Variants in SLC25A13 observed in about 807,000 individuals in gnomAD.
SLC25A13 encodes solute carrier family 25 member 13, also known as electrogenic aspartate/glutamate antiporter SLC25A13, mitochondrial.
SLC25A13 carries 70 observed loss-of-function variants against 85.5 expected under a neutral mutation model. That is an observed-to-expected ratio of 0.82 (90% CI 0.68 to 1.00). SLC25A13 has a LOEUF of 1.00. Ranked by LOEUF, SLC25A13 falls within the 50% of genes least tolerant of loss-of-function variation. The pLI, the probability that SLC25A13 is intolerant of heterozygous loss-of-function variation, is 0.00. For missense variants in SLC25A13, 765 were observed against 819.8 expected (o/e 0.93, Z 0.82); for synonymous variants, 259 against 288.7 (o/e 0.90, Z 1.04).
rs62467759 is a variant in SLC25A13, at chr7:96,209,019, A to C, written c.329-42T>G. On this transcript the variant is annotated intron_variant, in intron 4 of 17. Transcript: ENST00000265631. ...CAGGTTGATTAAAACAAAGTAAATG[A>C]AGTTCTTTCTGATAAAATCTGTTAT... 92,043 of 1,602,804 alleles carry C rather than the reference A, an allele frequency of 0.057. 2,999 individuals are homozygous for C. The highest frequency in any genetic ancestry group is 0.067 in the Non-Finnish European group (78,681 of 1,171,340).
At chr7:96,308,579 GGA>G (rs1260219743) in intron 1 of SLC25A13, among the ~76,000 whole-genome samples, 1 of 152,144 alleles carries the variant, frequency 6.6e-6, no homozygotes, top group African/African-American at 2.4e-5. Context: ...ATCTTTAAAA[GGA>G]GAGAGAGAGA....
chr7:96,288,249 G>C (rs1798966632), intron 2 of SLC25A13, among the ~76,000 whole-genome samples: 1 of 152,196 alleles, frequency 6.6e-6, no homozygotes, highest in Non-Finnish European at 1.5e-5. Context: ...TGGCCAGCAT[G>C]GGGAAACCCG....
chr7:96,140,885 T>C (rs1792527040), intron 14 of SLC25A13, among the ~76,000 whole-genome samples: 1 of 152,146 alleles, frequency 6.6e-6, no homozygotes, highest in African/African-American at 2.4e-5. Flanking sequence ...TACATACGTG[T>C]TGGCCATTGG....
rs1298323201 is a variant in SLC25A13 at position 96,244,652 on chromosome 7, G to A, written c.213-9735C>T. On this transcript the variant is annotated intron_variant, in intron 3 of 17. Coordinates refer to ENST00000265631, the MANE Select transcript of SLC25A13 (RefSeq NM_014251.3). ...TTTAGGTTACAGGCAGCCATTCTGT[G>A]CCCACCCTGGCTCCAGAAAGGACCT... Among the ~76,000 whole-genome samples the A allele has an allele frequency of 2.0e-5, 3 of 152,084 alleles. No individual in the cohort carries two copies. In the East Asian group the frequency reaches 5.8e-4, roughly 29 times the overall value.
intron 3 of SLC25A13, among the ~76,000 whole-genome samples, chr7:96,245,636 T>C (rs887694178): frequency 2.3e-4 from 35 of 152,218 alleles, no homozygotes; most frequent in South Asian, 2.1e-4. Context: ...TGACAAATAG[T>C]CTGCATTTTA....
At chr7:96,171,170 A>G (rs963198791) in intron 12 of SLC25A13, among the ~76,000 whole-genome samples, 1 of 152,236 alleles carries the variant, frequency 6.6e-6, no homozygotes, top group African/African-American at 2.4e-5. Flanking sequence ...AGATTAAACC[A>G]GTAAAACGTA....
chr7:96,172,915 C>A (rs1018816557), intron 11 of SLC25A13, among the ~76,000 whole-genome samples: 1 of 152,094 alleles, frequency 6.6e-6, no homozygotes, highest in Non-Finnish European at 1.5e-5. Context: ...CCTGCCACCA[C>A]GCCCGGCTAA....
At chr7:96,276,636 A>T (rs919099665) in intron 3 of SLC25A13, among the ~76,000 whole-genome samples, 1 of 152,132 alleles carries the variant, frequency 6.6e-6, no homozygotes, top group Non-Finnish European at 1.5e-5. Context: ...AGAAGGAGGG[A>T]AAAAAGTTCC....
At chr7:96,307,139 T>TA (rs1430056105) in intron 1 of SLC25A13, among the ~76,000 whole-genome samples, 12 of 87,274 alleles carry the variant, frequency 1.4e-4, no homozygotes, top group Admixed American at 2.3e-4. Context: ...GCTTTGTAAT[T>TA]TAAAAAAAAA....
At chr7:96,210,029 T>C (rs1435869923) in intron 4 of SLC25A13, among the ~76,000 whole-genome samples, 1 of 152,198 alleles carries the variant, frequency 6.6e-6, no homozygotes, top group Non-Finnish European at 1.5e-5. Context: ...TTTGGCATAA[T>C]GTGTCTATGG....
chr7:96,214,784 AC>A (rs562023202), intron 4 of SLC25A13, among the ~76,000 whole-genome samples: 152 of 152,224 alleles, frequency 1.0e-3, no homozygotes, highest in African/African-American at 3.6e-3. Context: ...AGCCTCAAAA[AC>A]AATAAAATAC....
chr7:96,213,019 CAACT>C (rs1201229649), intron 4 of SLC25A13, among the ~76,000 whole-genome samples: 2 of 152,116 alleles, frequency 1.3e-5, no homozygotes, highest in South Asian at 2.1e-4. Context: ...ATTCATCTCA[CAACT>C]AATAAAGTCT....
intron 9 of SLC25A13, among the ~76,000 whole-genome samples, chr7:96,185,302 A>T (rs749106081): frequency 3.3e-5 from 5 of 152,230 alleles, no homozygotes; most frequent in Non-Finnish European, 5.9e-5. Flanking sequence ...ATGCACAGTT[A>T]AAAACATCAC....
intron 4 of SLC25A13, among the ~76,000 whole-genome samples, chr7:96,234,384 T>C (rs1796666596): frequency 6.6e-6 from 1 of 152,188 alleles, no homozygotes; most frequent in Non-Finnish European, 1.5e-5. Context: ...GGCCGCAAAC[T>C]ACTCCATGGG....
In SLC25A13 at chr7:96,291,916, T is replaced by C. The variant is rs377348977; in HGVS notation, c.69+4982A>G. 2.6e-5 allele frequency among the ~76,000 whole-genome samples: 4 copies of C among 152,328 alleles called. No individual in the cohort carries two copies. The South Asian group carries it at 8.3e-4, about 32-fold the overall frequency. ...CAATAGAAAAAGAGGGAATCCTCCCTAACTCATTTTATGAGGCCAGCCATC... is the reference window on the plus strand; with the variant it reads ...CAATAGAAAAAGAGGGAATCCTCCCCAACTCATTTTATGAGGCCAGCCATC... On this transcript the variant is annotated intron_variant, in intron 2 of 17. Transcript: ENST00000265631.
intron 1 of SLC25A13, among the ~76,000 whole-genome samples, chr7:96,308,564 A>G (rs560646547): frequency 6.6e-6 from 1 of 152,346 alleles, no homozygotes; most frequent in South Asian, 2.1e-4. Flanking sequence ...GCTGGATCAG[A>G]GTTAATCTTT....
At chr7:96,243,822 A>G (rs1398051801) in intron 3 of SLC25A13, among the ~76,000 whole-genome samples, 1 of 152,144 alleles carries the variant, frequency 6.6e-6, no homozygotes, top group African/African-American at 2.4e-5. Flanking sequence ...TGGAGAGTAG[A>G]GAAGGCAGGG....
intron 13 of SLC25A13, among the ~76,000 whole-genome samples, chr7:96,160,383 T>C (rs1793459681): frequency 6.6e-6 from 1 of 152,342 alleles, no homozygotes; most frequent in South Asian, 2.1e-4. Flanking sequence ...AGGGAGGCTA[T>C]CCTTAACTGT....
intron 3 of SLC25A13, among the ~76,000 whole-genome samples, chr7:96,274,866 A>G (rs560341760): frequency 7.9e-5 from 12 of 152,242 alleles, no homozygotes; most frequent in Non-Finnish European, 1.3e-4. Flanking sequence ...CCATTGGTCT[A>G]TATCTCTGTT....
Sources: allele counts gnomAD v4.1 joint callset (sites outside exome capture counted in the v4.1 genomes callset), GRCh38; gene constraint gnomAD v4.1.1; transcripts MANE v1.5; gene names NCBI Gene and HGNC (gene_info 2026-07-23, HGNC 2026-07-21).